The following HIRA variants were observed in gnomAD, a reference collection of about 807,000 sequenced individuals.
HIRA encodes protein HIRA.
In HIRA, 13 loss-of-function variants were observed where a neutral mutation model predicts 126.6. That is an observed-to-expected ratio of 0.10 (90% CI 0.07 to 0.16). The LOEUF (loss-of-function observed/expected upper bound fraction) is 0.16. HIRA is among the 10% of genes least tolerant of loss of function. The pLI is 1.00. For synonymous variants in HIRA, 511 were observed against 520.0 expected (o/e 0.98, Z 0.24); for missense variants, 834 against 1,314.4 (o/e 0.63, Z 5.65).
chr22:19,373,540 C>A (rs1278588114), intron 15 of HIRA, among the ~76,000 whole-genome samples: 1 of 152,174 alleles, frequency 6.6e-6, no homozygotes, highest in East Asian at 1.9e-4. Context: ...CTGCCAAGTG[C>A]CTCTGAACGT....
chr22:19,396,095 C>G (rs1048699123), intron 7 of HIRA, among the ~76,000 whole-genome samples: 6 of 144,868 alleles, frequency 4.1e-5, no homozygotes, highest in Non-Finnish European at 8.9e-5. Context: ...TCCTCCCCAA[C>G]AAGCTGCTCT....
intron 24 of HIRA, among the ~76,000 whole-genome samples, chr22:19,343,236 G>A (rs2088650949): frequency 1.3e-5 from 2 of 152,098 alleles, no homozygotes; most frequent in South Asian, 4.1e-4. Context: ...TATCAGCATA[G>A]TCAGTGGGAT....
intron 1 of HIRA, among the ~76,000 whole-genome samples, chr22:19,413,244 G>C (rs1004612712): frequency 6.6e-5 from 10 of 152,124 alleles, no homozygotes; most frequent in African/African-American, 2.4e-4. Flanking sequence ...CTCCACAATA[G>C]CAGTGTGGAA....
rs113677642 is a variant in HIRA at position 19,350,756 on chromosome 22, C to T, written c.2937+602G>A. Among the ~76,000 whole-genome samples, 144 of 152,272 alleles carry T rather than the reference C, an allele frequency of 9.5e-4. 1 individual carries two copies. Among genetic ancestry groups the T allele is most frequent in the African/African-American group, 3.2e-3 (135 of 41,556 alleles). ...ACCTCCTGCCTCATTTCACACCACC[C>T]TCTCCTTTTGCCTTCTATGTGCCAG... On this transcript the variant is annotated intron_variant, in intron 24 of 24. Coordinates refer to ENST00000263208, the MANE Select transcript of HIRA (RefSeq NM_003325.4).
At chr22:19,360,563 T>C (rs2088853855) in intron 17 of HIRA, among the ~76,000 whole-genome samples, 2 of 151,934 alleles carry the variant, frequency 1.3e-5, no homozygotes, top group South Asian at 4.2e-4. Context: ...GTGTAGCCAG[T>C]GGGAAGTGAC....
chr22:19,349,063 C>T (rs1223033120), intron 24 of HIRA, among the ~76,000 whole-genome samples: 1 of 151,628 alleles, frequency 6.6e-6, no homozygotes, highest in African/African-American at 2.4e-5. Flanking sequence ...GGATTATAGG[C>T]ATGAGCCACC....
chr22:19,353,291 A>C, intron 23 of HIRA, 65 bp downstream of exon 23: 1 of 1,580,758 alleles, frequency 6.3e-7, no homozygotes, highest in East Asian at 2.2e-5. Flanking sequence ...CACAGGGACT[A>C]AGTGAGGCCT....
At chr22:19,346,574 G>C (rs1411968429) in intron 24 of HIRA, among the ~76,000 whole-genome samples, 3 of 152,246 alleles carry the variant, frequency 2.0e-5, no homozygotes, top group Admixed American at 2.0e-4. Flanking sequence ...CATATTCTTT[G>C]TACAGAGGGA....
At chr22:19,371,256 C>T (rs2088961985) in intron 15 of HIRA, among the ~76,000 whole-genome samples, 1 of 152,212 alleles carries the variant, frequency 6.6e-6, no homozygotes, top group Non-Finnish European at 1.5e-5. Flanking sequence ...GGGGACTCCT[C>T]TCTATTGCCC....
intron 6 of HIRA, among the ~76,000 whole-genome samples, chr22:19,397,753 A>G (rs903102916): frequency 3.3e-5 from 5 of 152,142 alleles, no homozygotes; most frequent in Admixed American, 3.3e-4. Flanking sequence ...CTGCCCATCC[A>G]TTACCCTCCT....
intron 5 of HIRA, chr22:19,405,415 A>G (rs2089300190): frequency 2.4e-6 from 2 of 831,818 alleles, no homozygotes; most frequent in Non-Finnish European, 2.9e-6. Context: ...AAACTTTTCA[A>G]TGGGCATCTG....
At chr22:19,421,141 T>C (rs2089442752) in intron 1 of HIRA, among the ~76,000 whole-genome samples, 1 of 152,088 alleles carries the variant, frequency 6.6e-6, no homozygotes, top group Non-Finnish European at 1.5e-5. Context: ...CTACTAAAAA[T>C]ACAAAAAATT....
intron 5 of HIRA, among the ~76,000 whole-genome samples, chr22:19,400,811 T>C (rs897528915): frequency 1.3e-5 from 2 of 152,072 alleles, no homozygotes; most frequent in Admixed American, 6.5e-5. Context: ...TGACCGTGGC[T>C]TCCACTACTT....
intron 1 of HIRA, among the ~76,000 whole-genome samples, chr22:19,428,977 C>G (rs768374526): frequency 2.0e-5 from 3 of 152,014 alleles, no homozygotes; most frequent in Non-Finnish European, 4.4e-5. Context: ...AAGGCCTGCT[C>G]GGTAGTGATT....
At chr22:19,412,705 C>T (rs1459300380) in intron 1 of HIRA, among the ~76,000 whole-genome samples, 5 of 152,156 alleles carry the variant, frequency 3.3e-5, no homozygotes, top group Admixed American at 6.5e-5. Context: ...CCCAAGAGCA[C>T]GTACAGGCTG....
Position 19,354,054 on chromosome 22 carries a change from A to T in HIRA, c.2626T>A (p.Ser876Thr). The change falls in exon 22 of 25, where the codon TCC becomes ACC. Residue 876 changes from serine (S) to threonine (T), a missense_variant. Ser to Thr is a moderately conservative substitution (Grantham distance 58). Around this residue, in one of 5 missense-constraint regions of HIRA, gnomAD observed 468 missense variants for 574.2 expected, o/e 0.82. Coordinates refer to ENST00000263208, the MANE Select transcript of HIRA (RefSeq NM_003325.4). ...QCADFRSSLP[S>T]QDAMLCSGPL... ...CCTGAGCACAGCATGGCGTCCTGGG[A>T]TGGCAGGCTGCTCCTAAAGTCTGCA... The T allele has an allele frequency of 6.2e-7, 1 of 1,613,452 alleles. No homozygotes were observed. The highest frequency in any genetic ancestry group is 8.5e-7 in the Non-Finnish European group (1 of 1,179,798).
rs886517261 is a variant in HIRA at position 19,385,572 on chromosome 22, G to A, written c.1278C>T (p.Ala426=). 6.2e-7 allele frequency: 1 copy of A among 1,614,176 alleles called. No homozygotes were observed. Among genetic ancestry groups the A allele is most frequent in the Non-Finnish European group, 8.5e-7 (1 of 1,180,048 alleles). Reference sequence around the variant, plus strand: ...CGTTGACAACGCCTGCGACTGAGGTGGCTGAGCCCATCTCCCTGGTCGCAG... The same window carrying A: ...CGTTGACAACGCCTGCGACTGAGGTAGCTGAGCCCATCTCCCTGGTCGCAG... The part of the protein sequence containing the change: ...KSAATREMGS[A]TSVAGVVNGE... Residue 426 remains alanine (A), a synonymous_variant, in exon 12 of 25, where the codon GCC becomes GCT. Coordinates refer to ENST00000263208, the MANE Select transcript of HIRA (RefSeq NM_003325.4).
rs201413461 is a variant in HIRA at position 19,361,382 on chromosome 22, T to G, written c.1981-41A>C. The G allele has an allele frequency of 1.6e-5, 25 of 1,550,916 alleles. No individual in the cohort carries two copies. In the African/African-American group the frequency reaches 2.7e-4, roughly 17 times the overall value. ...ACGTTCCTGAGCCTTGCTCTAACAC[T>G]ACGGGGTAGCATTTGGTAAAGGCAG... On this transcript the variant is annotated intron_variant, in intron 16 of 24. Transcript: ENST00000263208.
intron 14 of HIRA, among the ~76,000 whole-genome samples, chr22:19,376,487 C>T (rs1041208616): frequency 3.3e-5 from 5 of 152,210 alleles, no homozygotes; most frequent in African/African-American, 1.2e-4. Flanking sequence ...CCAGACACCA[C>T]ACCACATGCC....
Sources: allele counts gnomAD v4.1 joint callset (sites outside exome capture counted in the v4.1 genomes callset), GRCh38; gene constraint gnomAD v4.1.1; regional missense constraint gnomAD v4.1.1; transcripts MANE v1.5; gene names NCBI Gene and HGNC (gene_info 2026-07-23, HGNC 2026-07-21).